GABPB1: variants seen among roughly 807,000 people sequenced by gnomAD.
GABPB1 encodes the protein GA binding protein transcription factor subunit beta 1, also known as GA-binding protein subunit beta-1.
In GABPB1, 15 loss-of-function variants were observed where a neutral mutation model predicts 45.9. That is an observed-to-expected ratio of 0.33 (90% CI 0.22 to 0.50). The LOEUF (loss-of-function observed/expected upper bound fraction) is 0.50, where lower values mean the gene tolerates loss of function less well. Ranked by LOEUF, GABPB1 falls within the 20% of genes least tolerant of loss-of-function variation. GABPB1 has a pLI of 0.98. For synonymous variants in GABPB1, 143 were observed against 154.4 expected, an observed-to-expected ratio of 0.93 and a Z score of 0.55; for missense variants, 252 against 457.5, an observed-to-expected ratio of 0.55 and a Z score of 4.10.
intron 8 of GABPB1, among the ~76,000 whole-genome samples, chr15:50,283,895 T>C (rs2046076037): frequency 6.6e-6 from 1 of 152,190 alleles, no homozygotes. Context: ...TTAGATTTTG[T>C]ATAGAGTTAA....
At chr15:50,340,047 G>A (rs1242023705) in intron 1 of GABPB1, among the ~76,000 whole-genome samples, 1 of 152,180 alleles carries the variant, frequency 6.6e-6, no homozygotes, top group Non-Finnish European at 1.5e-5. Context: ...TGGGGACTTT[G>A]AGTGATGATT....
chr15:50,286,267 A>G (rs2046149806), intron 7 of GABPB1, 84 bp from the exon 8 acceptor site: 1 of 899,376 alleles, frequency 1.1e-6, no homozygotes, highest in Admixed American at 3.6e-5. Flanking sequence ...TGTTGATGCT[A>G]CTCATCTAAA....
chr15:50,332,145 G>A, intron 1 of GABPB1, among the ~76,000 whole-genome samples: 1 of 152,082 alleles, frequency 6.6e-6, no homozygotes, highest in Non-Finnish European at 1.5e-5. Flanking sequence ...AAAGTGCTGA[G>A]ATTATAGGTA....
chr15:50,315,650 T>G (rs1043451035), intron 1 of GABPB1, among the ~76,000 whole-genome samples: 1 of 152,270 alleles, frequency 6.6e-6, no homozygotes, highest in Non-Finnish European at 1.5e-5. Flanking sequence ...GATTCTCACC[T>G]GACAGGGACC....
At chr15:50,286,822 T>A (rs748387025) in intron 7 of GABPB1, among the ~76,000 whole-genome samples, 97 of 152,200 alleles carry the variant, frequency 6.4e-4, no homozygotes, top group Non-Finnish European at 1.3e-3. Context: ...AATGCAATTA[T>A]ATAGAGAGGC....
intron 1 of GABPB1, among the ~76,000 whole-genome samples, chr15:50,311,869 C>T (rs1184418690): frequency 6.6e-6 from 1 of 152,032 alleles, no homozygotes; most frequent in Admixed American, 6.6e-5. Flanking sequence ...AGAATTATGC[C>T]TATAATTTTT....
chr15:50,345,133 A>C (rs2048517589), intron 1 of GABPB1, among the ~76,000 whole-genome samples: 2 of 152,184 alleles, frequency 1.3e-5, no homozygotes, highest in African/African-American at 4.8e-5. Flanking sequence ...TGAAACAACA[A>C]AGAAAACAGA....
At chr15:50,309,851 A>G (rs2047070746) in intron 1 of GABPB1, 53 bp from the exon 2 acceptor site, 2 of 1,032,542 alleles carry the variant, frequency 1.9e-6, no homozygotes, top group Non-Finnish European at 3.0e-6. Context: ...ATACACTATG[A>G]CATGACATTT....
intron 1 of GABPB1, among the ~76,000 whole-genome samples, chr15:50,320,455 A>G (rs1269704492): frequency 6.6e-6 from 1 of 152,254 alleles, no homozygotes; most frequent in Non-Finnish European, 1.5e-5. Flanking sequence ...GGCGTGAGCC[A>G]CCACTCAAAG....
intron 1 of GABPB1, among the ~76,000 whole-genome samples, chr15:50,340,187 C>A (rs2048299718): frequency 1.3e-5 from 2 of 152,058 alleles, no homozygotes. Flanking sequence ...AGGAAATGGG[C>A]CCTCACCAGC....
At chr15:50,337,075 G>T (rs62022603) in intron 1 of GABPB1, among the ~76,000 whole-genome samples, 1 of 14,200 alleles carries the variant, frequency 7.0e-5, no homozygotes, top group Non-Finnish European at 1.3e-4. Context: ...ATATGTGTGT[G>T]TATATATATA....
At chr15:50,293,707 A>G (rs1220638134) in intron 6 of GABPB1, among the ~76,000 whole-genome samples, 1 of 152,242 alleles carries the variant, frequency 6.6e-6, no homozygotes, top group Non-Finnish European at 1.5e-5. Flanking sequence ...AAGATCACAC[A>G]CAAGGCACAA....
chr15:50,301,181 G>T (rs760331442), intron 5 of GABPB1, 76 bp downstream of exon 5: 3 of 1,570,350 alleles, frequency 1.9e-6, no homozygotes, highest in South Asian at 2.3e-5. Flanking sequence ...ACCTACTAAA[G>T]CATAAAATCC....
At chr15:50,320,738 C>G (rs1444485364) in intron 1 of GABPB1, among the ~76,000 whole-genome samples, 1 of 152,046 alleles carries the variant, frequency 6.6e-6, no homozygotes, top group Non-Finnish European at 1.5e-5. Flanking sequence ...ACAGGAGGAT[C>G]AGAATAGGAG....
intron 8 of GABPB1, among the ~76,000 whole-genome samples, chr15:50,279,206 T>C (rs2045901285): frequency 6.6e-6 from 1 of 152,142 alleles, no homozygotes; most frequent in Admixed American, 6.5e-5. Flanking sequence ...ACTATATGAG[T>C]AAACAGGGTG....
At chr15:50,328,566 A>C (rs2047850842) in intron 1 of GABPB1, among the ~76,000 whole-genome samples, 1 of 152,220 alleles carries the variant, frequency 6.6e-6, no homozygotes, top group South Asian at 2.1e-4. Flanking sequence ...CACATCAGGA[A>C]GCACATCTTT....
At chr15:50,297,708 G>C (rs1428604405) in intron 6 of GABPB1, among the ~76,000 whole-genome samples, 2 of 152,012 alleles carry the variant, frequency 1.3e-5, no homozygotes, top group African/African-American at 4.8e-5. Flanking sequence ...GGTGGCGTGT[G>C]CCTGTAATCC....
chr15:50,316,915 A>T (rs2047351473), intron 1 of GABPB1, among the ~76,000 whole-genome samples: 1 of 151,996 alleles, frequency 6.6e-6, no homozygotes, highest in Non-Finnish European at 1.5e-5. Context: ...TCCCAACTCC[A>T]CCCATTGTTT....
intron 1 of GABPB1, among the ~76,000 whole-genome samples, chr15:50,345,361 A>G (rs563703667): frequency 2.0e-5 from 3 of 152,330 alleles, no homozygotes; most frequent in African/African-American, 7.2e-5. Flanking sequence ...AGAACTCAGG[A>G]GTTGACTAGC....
Sources: gnomAD v4.1 joint callset for allele counts (sites outside exome capture counted in the v4.1 genomes callset) on GRCh38, gnomAD v4.1.1 for gene constraint, MANE v1.5 for transcripts, NCBI Gene and HGNC (gene_info 2026-07-23, HGNC 2026-07-21) for gene names.